The following MYO9A variants were observed in gnomAD, a reference collection of about 807,000 sequenced individuals.
The protein encoded by MYO9A is myosin IXA.
In MYO9A, 103 loss-of-function variants were observed where a neutral mutation model predicts 293.3. The observed-to-expected ratio is 0.35, with a 90% CI of 0.30 to 0.41. MYO9A has a LOEUF of 0.41. Ranked by LOEUF, MYO9A falls within the 10% of genes least tolerant of loss-of-function variation. MYO9A has a pLI of 1.00. For missense variants in MYO9A, 2,685 were observed against 3,033.0 expected (o/e 0.89, Z 2.69); for synonymous variants, 1,001 against 1,035.7 (o/e 0.97, Z 0.64).
At chr15:71,838,042 G>C (rs902249301) in intron 39 of MYO9A, among the ~76,000 whole-genome samples, 2 of 151,898 alleles carry the variant, frequency 1.3e-5, no homozygotes, top group African/African-American at 4.8e-5. Flanking sequence ...TACCACCAGT[G>C]TGTCACAGAG....
chr15:71,948,961 G>A (rs1208998431), intron 15 of MYO9A, among the ~76,000 whole-genome samples: 1 of 141,222 alleles, frequency 7.1e-6, no homozygotes. Context: ...TGAGGGGGGG[G>A]GATGTGACAT....
intron 1 of MYO9A, among the ~76,000 whole-genome samples, chr15:72,054,279 A>G (rs185260689): frequency 6.6e-6 from 1 of 152,186 alleles, no homozygotes; most frequent in Admixed American, 6.5e-5. Context: ...GTATTCTTGA[A>G]AAGAAGTACA....
intron 15 of MYO9A, among the ~76,000 whole-genome samples, chr15:71,950,682 A>G (rs1489829923): frequency 6.6e-6 from 1 of 152,226 alleles, no homozygotes; most frequent in East Asian, 1.9e-4. Flanking sequence ...AACACATTAC[A>G]CACTTTTGTT....
intron 25 of MYO9A, chr15:71,897,062 A>G (rs2057352063): frequency 5.9e-6 from 1 of 170,068 alleles, no homozygotes; most frequent in South Asian, 1.6e-4. Flanking sequence ...CGTAATGATG[A>G]CCATAAATAG....
At chr15:71,845,731 A>T (rs553391792) in intron 39 of MYO9A, among the ~76,000 whole-genome samples, 2 of 152,316 alleles carry the variant, frequency 1.3e-5, no homozygotes, top group Admixed American at 1.3e-4. Context: ...GGTGTAAATT[A>T]ATTTTATTTA....
At chr15:71,894,450 G>A (rs1165817716) in intron 25 of MYO9A, among the ~76,000 whole-genome samples, 5 of 152,118 alleles carry the variant, frequency 3.3e-5, no homozygotes, top group Admixed American at 2.6e-4. Context: ...GGTGGCAGGT[G>A]GCTGTAGTCC....
chr15:71,933,919 T>G (rs927619131), intron 17 of MYO9A, among the ~76,000 whole-genome samples: 2 of 152,138 alleles, frequency 1.3e-5, no homozygotes, highest in African/African-American at 4.8e-5. Context: ...GATACCTGCC[T>G]TGTTATATAA....
intron 25 of MYO9A, among the ~76,000 whole-genome samples, chr15:71,895,306 A>G (rs2057291589): frequency 6.6e-6 from 1 of 152,230 alleles, no homozygotes; most frequent in South Asian, 2.1e-4. Context: ...GACCACTGCA[A>G]TTAACCTTTT....
At chr15:72,117,366 A>C (rs2151275929) in intron 1 of MYO9A, among the ~76,000 whole-genome samples, 1 of 152,276 alleles carries the variant, frequency 6.6e-6, no homozygotes, top group African/African-American at 2.4e-5. Context: ...GATGTAACGT[A>C]GTCTAGAAGC....
chr15:72,011,022 T>C (rs1022937600), intron 6 of MYO9A, among the ~76,000 whole-genome samples: 2 of 152,012 alleles, frequency 1.3e-5, no homozygotes, highest in Non-Finnish European at 2.9e-5. Flanking sequence ...TTATTTTTTT[T>C]TTTTAAGACA....
rs1017562532 is a variant in MYO9A at position 72,046,469 on chromosome 15, C to T, written c.95G>A (p.Cys32Tyr). The T allele has an allele frequency of 4.3e-6, 7 of 1,614,050 alleles. No individual in the cohort carries two copies. In the African/African-American group the frequency reaches 9.3e-5, roughly 22 times the overall value. The change falls in exon 2 of 42, where the codon TGT becomes TAT. Residue 32 changes from cysteine (C) to tyrosine (Y), a missense_variant. By Grantham distance (194) the Cys-to-Tyr change is radical. Transcript: ENST00000356056. ...GGAGTTTTTTCTGGCAGGAATCGGA[C>T]AGTAGATTGTCCCTTCTGAAATAGC... ...PGAISEGTIY[C>Y]PIPARKNSTA...
At chr15:71,935,535 A>C in intron 16 of MYO9A, 51 bp from the exon 17 acceptor site, 2 of 1,505,868 alleles carry the variant, frequency 1.3e-6, no homozygotes, top group Admixed American at 2.0e-5. Flanking sequence ...CTAACACTAT[A>C]CTGCTTAAAT....
At chr15:71,860,974 A>AAAAAAAAAAAAAC (rs2056096031) in intron 33 of MYO9A, among the ~76,000 whole-genome samples, 1 of 148,120 alleles carries the variant, frequency 6.8e-6, no homozygotes, top group African/African-American at 2.5e-5. Flanking sequence ...CTCACCAAAA[A>AAAAAAAAAAAAAC]AAAAAAAAAA....
intron 3 of MYO9A, among the ~76,000 whole-genome samples, chr15:72,028,023 C>T (rs1049118097): frequency 4.0e-5 from 6 of 150,684 alleles, no homozygotes; most frequent in Admixed American, 2.7e-4. Flanking sequence ...TATGGTGAAA[C>T]CCCATCTCTA....
intron 26 of MYO9A, chr15:71,893,295 C>T: frequency 1.4e-6 from 1 of 717,874 alleles, no homozygotes; most frequent in South Asian, 1.8e-5. Flanking sequence ...TATCCCTCCA[C>T]CCAACCATGC....
chr15:71,923,188 A>C (rs2058201340), intron 18 of MYO9A, among the ~76,000 whole-genome samples: 1 of 152,150 alleles, frequency 6.6e-6, no homozygotes, highest in African/African-American at 2.4e-5. Context: ...ACCGATTTGC[A>C]TATGTTAAAC....
chr15:71,933,630 A>T (rs372518818), intron 18 of MYO9A, 40 bp downstream of exon 18: 24 of 1,552,402 alleles, frequency 1.5e-5, no homozygotes, highest in Non-Finnish European at 2.1e-5. Context: ...ATAATTGTGT[A>T]GCAGAATACC....
At chr15:72,060,366 T>C (rs2078844567) in intron 1 of MYO9A, among the ~76,000 whole-genome samples, 1 of 151,942 alleles carries the variant, frequency 6.6e-6, no homozygotes, top group Non-Finnish European at 1.5e-5. Flanking sequence ...TACTAGGGTA[T>C]TGAATAAATC....
chr15:72,005,523 T>G (rs909602904), intron 8 of MYO9A, among the ~76,000 whole-genome samples: 20 of 152,206 alleles, frequency 1.3e-4, no homozygotes, highest in African/African-American at 4.6e-4. Context: ...CCATCTGTTC[T>G]CTGGCCTTTA....
Sources: gnomAD v4.1 joint callset for allele counts (sites outside exome capture counted in the v4.1 genomes callset) on GRCh38, gnomAD v4.1.1 for gene constraint, MANE v1.5 for transcripts, NCBI Gene and HGNC (gene_info 2026-07-23, HGNC 2026-07-21) for gene names.